Variants in BRINP2 observed in about 807,000 individuals in gnomAD.
The protein encoded by BRINP2 is BMP/retinoic acid inducible neural specific 2, also known as BMP/retinoic acid-inducible neural-specific protein 2.
BRINP2 carries 21 observed loss-of-function variants against 69.2 expected under a neutral mutation model. That is an observed-to-expected ratio of 0.30 (90% CI 0.22 to 0.44). The LOEUF is 0.44. BRINP2 is among the 20% of genes least tolerant of loss of function. BRINP2 has a pLI of 1.00. For missense variants in BRINP2, 877 were observed against 986.0 expected, an observed-to-expected ratio of 0.89 and a Z score of 1.48; for synonymous variants, 380 against 394.1, an observed-to-expected ratio of 0.96 and a Z score of 0.42.
intron 1 of BRINP2, among the ~76,000 whole-genome samples, chr1:177,175,158 G>A (rs572059928): frequency 2.4e-4 from 37 of 152,316 alleles, no homozygotes; most frequent in South Asian, 2.1e-3. Context: ...ATTTAGCAGC[G>A]AGCAGGAGAT....
At chr1:177,237,957 C>T (rs1026880599) in intron 2 of BRINP2, among the ~76,000 whole-genome samples, 2 of 152,182 alleles carry the variant, frequency 1.3e-5, no homozygotes, top group African/African-American at 4.8e-5. Context: ...GCTTCTGCCA[C>T]ATTTCTCTCA....
chr1:177,241,357 C>T (rs556153476), intron 2 of BRINP2, among the ~76,000 whole-genome samples: 1 of 152,242 alleles, frequency 6.6e-6, no homozygotes, highest in Non-Finnish European at 1.5e-5. Context: ...CATAACCTTC[C>T]CTTATTGGTC....
At chr1:177,228,659 G>T (rs563714154) in intron 1 of BRINP2, among the ~76,000 whole-genome samples, 51 of 152,276 alleles carry the variant, frequency 3.3e-4, no homozygotes, top group Admixed American at 1.7e-3. Flanking sequence ...GGCACACACC[G>T]AATTGGTGCT....
chr1:177,281,103 C>G lies in BRINP2; in HGVS notation c.1927C>G (p.His643Asp). The G allele has an allele frequency of 6.2e-7, 1 of 1,614,192 alleles. No individual in the cohort carries two copies. The highest frequency in any genetic ancestry group is 8.5e-7 in the Non-Finnish European group (1 of 1,180,036). ...GTGGAAGACTTTCTTTGAGACAGTT[C>G]ATGTTTACCTACGGAGCCGAATCAA... ...NRWKTFFETV[H>D]VYLRSRIKSL... The change falls in exon 8 of 8, where the codon CAT becomes GAT. Residue 643 changes from histidine to aspartate, a missense_variant. His to Asp is a moderately conservative substitution (Grantham distance 81). Coordinates refer to ENST00000361539, the MANE Select transcript of BRINP2 (RefSeq NM_021165.4).
Position 177,281,313 on chromosome 1 carries a change from C to G in BRINP2, c.2137C>G (p.Gln713Glu), listed in dbSNP as rs760728415. Residue 713 changes from glutamine to glutamate, a missense_variant, in exon 8 of 8, where the codon CAG becomes GAG. By Grantham distance (29) the Gln-to-Glu change is conservative. Transcript: ENST00000361539. ...GGACTACCCATATACTCAAGGTTCCCAGGACTCTGCACTCTTGCAGCTCAT... is the reference window on the plus strand; with the variant it reads ...GGACTACCCATATACTCAAGGTTCCGAGGACTCTGCACTCTTGCAGCTCAT... ...QLDYPYTQGS[Q>E]DSALLQLIEL... The G allele has an allele frequency of 3.7e-6, 6 of 1,614,132 alleles. No individual in the cohort carries two copies. The highest frequency in any genetic ancestry group is 5.1e-6 in the Non-Finnish European group (6 of 1,180,008).
chr1:177,180,789 A>G (rs1648222032), intron 1 of BRINP2, among the ~76,000 whole-genome samples: 1 of 152,218 alleles, frequency 6.6e-6, no homozygotes, highest in African/African-American at 2.4e-5. Context: ...TTCTTTAAAA[A>G]GCAAAACTTG....
At position 177,280,418 on chromosome 1, in the gene BRINP2, G is replaced by C; in HGVS notation, c.1242G>C (p.Leu414Phe). The C allele has an allele frequency of 6.2e-7, 1 of 1,604,486 alleles. No homozygotes were observed. Among genetic ancestry groups the C allele is most frequent in the South Asian group, 1.1e-5 (1 of 89,314 alleles). ...PRFRLPKERS[L>F]SYWWNRIQSL... is the part of the protein sequence containing the mutation. ...TTTATCTCTGCTCCCCAAGGTCCTT[G>C]TCCTACTGGTGGAACCGAATCCAGT... The change falls in exon 8 of 8, where the codon TTG becomes TTC. Residue 414 changes from leucine to phenylalanine, a missense_variant. Physicochemically the swap from Leu to Phe is conservative, Grantham distance 22 (BLOSUM62 0). Around this residue, in one of 3 missense-constraint regions of BRINP2, gnomAD observed 566 missense variants for 625.2 expected, o/e 0.91. Coordinates refer to ENST00000361539, the MANE Select transcript of BRINP2 (RefSeq NM_021165.4).
chr1:177,272,996 G>A (rs1651377177), intron 4 of BRINP2, among the ~76,000 whole-genome samples: 1 of 152,164 alleles, frequency 6.6e-6, no homozygotes. Flanking sequence ...TCTCAGTGCC[G>A]AGGTGGGACT....
At chr1:177,189,272 G>C (rs1423868836) in intron 1 of BRINP2, among the ~76,000 whole-genome samples, 1 of 152,062 alleles carries the variant, frequency 6.6e-6, no homozygotes. Flanking sequence ...TTCTTATGAT[G>C]CAGTCTATAA....
rs1372690769 is a variant in BRINP2, at chr1:177,280,823, C to T, written c.1647C>T (p.Arg549=). ...GGTTTGACCCTTCCTGGAGGAAGCG[C>T]ATGCTGCTCACCCTGAAGAGCAACA... The part of the protein sequence containing the change: ...GSWFDPSWRK[R]MLLTLKSNKY... The change falls in exon 8 of 8, where the codon CGC becomes CGT. Residue 549 remains arginine (R), a synonymous_variant. Transcript: ENST00000361539. 1 of 1,614,076 alleles carries T rather than the reference C, an allele frequency of 6.2e-7. No individual in the cohort carries two copies. The highest frequency in any genetic ancestry group is 8.5e-7 in the Non-Finnish European group (1 of 1,179,952).
At chr1:177,275,565 A>G (rs1385374783) in intron 5 of BRINP2, among the ~76,000 whole-genome samples, 2 of 152,194 alleles carry the variant, frequency 1.3e-5, no homozygotes, top group Non-Finnish European at 2.9e-5. Context: ...CTTACCTATA[A>G]AAACCTCAAT....
intron 1 of BRINP2, among the ~76,000 whole-genome samples, chr1:177,173,715 G>T (rs1648007556): frequency 6.6e-6 from 1 of 152,204 alleles, no homozygotes; most frequent in Admixed American, 6.5e-5. Context: ...ACAACCCTGT[G>T]TCATCACCTT....
At chr1:177,182,105 G>A (rs1053005664) in intron 1 of BRINP2, among the ~76,000 whole-genome samples, 1 of 149,960 alleles carries the variant, frequency 6.7e-6, no homozygotes, top group African/African-American at 2.5e-5. Context: ...TCCTGGTGCC[G>A]TCCCTCCCTC....
chr1:177,217,609 C>A (rs1230563809), intron 1 of BRINP2, among the ~76,000 whole-genome samples: 4 of 152,146 alleles, frequency 2.6e-5, no homozygotes, highest in Non-Finnish European at 5.9e-5. Flanking sequence ...TTTGTGGAGA[C>A]AGACAACTTT....
rs1647921860 is a variant in BRINP2, at chr1:177,171,329, C to A, written c.-480C>A. Among the ~76,000 whole-genome samples, 1 of 152,170 alleles carries A rather than the reference C, an allele frequency of 6.6e-6. No individual in the cohort carries two copies. Among genetic ancestry groups the A allele is most frequent in the Non-Finnish European group, 1.5e-5 (1 of 68,030 alleles). The stretch of plus-strand genomic sequence containing the variant: ...AGGGGACTCCCCCAGTTGGGTCTTG[C>A]ACTTCCCTTACCTCTCCCACCCCGC... On this transcript the variant is annotated 5_prime_UTR_variant, in exon 1 of 8. Coordinates refer to ENST00000361539, the MANE Select transcript of BRINP2 (RefSeq NM_021165.4).
chr1:177,249,569 TA>T (rs1336035201), intron 2 of BRINP2, among the ~76,000 whole-genome samples: 1 of 152,222 alleles, frequency 6.6e-6, no homozygotes, highest in Non-Finnish European at 1.5e-5. Context: ...GAGAAATGGC[TA>T]AATTGAAATG....
intron 2 of BRINP2, among the ~76,000 whole-genome samples, chr1:177,236,659 C>T (rs896229346): frequency 2.6e-4 from 39 of 152,132 alleles, no homozygotes; most frequent in Admixed American, 2.6e-3. Context: ...TAAAAGGTAA[C>T]ACATAGGCAA....
chr1:177,191,485 A>C (rs3926739), intron 1 of BRINP2, among the ~76,000 whole-genome samples: 90,534 of 151,820 alleles, frequency 0.6, 28,655 homozygotes, highest in African/African-American at 0.81. Flanking sequence ...GATGGAGTCT[A>C]GCTCTGTCAC....
chr1:177,218,624 G>A (rs1649441470), intron 1 of BRINP2, among the ~76,000 whole-genome samples: 1 of 152,050 alleles, frequency 6.6e-6, no homozygotes, highest in Non-Finnish European at 1.5e-5. Flanking sequence ...AGTTGCCTGG[G>A]AAGCACCTCA....
Sources: gnomAD v4.1 joint callset for allele counts (sites outside exome capture counted in the v4.1 genomes callset) on GRCh38, gnomAD v4.1.1 for gene constraint, gnomAD v4.1.1 regional missense constraint, MANE v1.5 for transcripts, NCBI Gene and HGNC (gene_info 2026-07-23, HGNC 2026-07-21) for gene names.